Variants in WDR59 observed in about 807,000 individuals in gnomAD.
The protein encoded by WDR59 is WD repeat domain 59.
Under a neutral mutation model 131.2 loss-of-function variants are expected in WDR59, and 100 were observed. The ratio of observed to expected loss-of-function variants is 0.76; its 90% confidence interval spans 0.65 to 0.90. WDR59 has a LOEUF of 0.90. Among genes scored for constraint, WDR59 ranks in the 40% least tolerant of loss-of-function variants. WDR59 has a pLI of 0.00. For synonymous variants in WDR59, 601 were observed against 466.2 expected, an observed-to-expected ratio of 1.29 and a Z score of -3.72; for missense variants, 1,203 against 1,262.2, an observed-to-expected ratio of 0.95 and a Z score of 0.71.
At chr16:74,908,871 G>T in intron 17 of WDR59, 37 bp downstream of exon 17, 1 of 1,599,194 alleles carries the variant, frequency 6.3e-7, no homozygotes, top group Non-Finnish European at 8.6e-7. Context: ...TTCTGGCCCC[G>T]GGAACGTAGA....
chr16:74,915,287 A>T (rs1057304694), intron 13 of WDR59, among the ~76,000 whole-genome samples: 1 of 152,174 alleles, frequency 6.6e-6, no homozygotes. Flanking sequence ...TCTACAGTAA[A>T]ATGAGATGCT....
chr16:74,984,462 G>GT (rs1471870653), intron 1 of WDR59: 2 of 181,150 alleles, frequency 1.1e-5, no homozygotes, highest in African/African-American at 4.7e-5. Context: ...CCACTACACG[G>GT]TATTTTCCAG....
intron 3 of WDR59, among the ~76,000 whole-genome samples, chr16:74,952,024 C>T (rs2033031425): frequency 1.3e-5 from 2 of 151,734 alleles, no homozygotes; most frequent in Admixed American, 1.3e-4. Flanking sequence ...TCTACATTGC[C>T]CACGCTTTTC....
At chr16:74,964,418 G>A (rs1050528179) in intron 2 of WDR59, among the ~76,000 whole-genome samples, 3 of 150,108 alleles carry the variant, frequency 2.0e-5, no homozygotes, top group Admixed American at 2.0e-4. Flanking sequence ...GCAGAAAAGA[G>A]ATACCAACTT....
chr16:74,880,205 T>A (rs1303497936), intron 25 of WDR59, among the ~76,000 whole-genome samples: 1 of 152,106 alleles, frequency 6.6e-6, no homozygotes, highest in Admixed American at 6.5e-5. Flanking sequence ...CCCAGCACTT[T>A]GGGAGGCCGA....
rs768839578 is a variant in WDR59 at position 74,909,025 on chromosome 16, G to C, written c.1643-48C>G. 4.5e-6 allele frequency: 7 copies of C among 1,546,066 alleles called. No homozygotes were observed. In the East Asian group the frequency reaches 1.6e-4, roughly 35 times the overall value. On this transcript the variant is annotated intron_variant, in intron 16 of 25. Coordinates refer to ENST00000262144, the MANE Select transcript of WDR59 (RefSeq NM_030581.4). Reference sequence around the variant, plus strand: ...AGCCATCAGTGTCAACAAGCTGGCCGTGGGAAATCCTGAGGCAGGACTGGC... The same window carrying C: ...AGCCATCAGTGTCAACAAGCTGGCCCTGGGAAATCCTGAGGCAGGACTGGC...
Position 74,905,982 on chromosome 16 carries a change from C to T in WDR59, c.1713-1882G>A, listed in dbSNP as rs183604521. ...GGTCAATATGCACACAGAAGCTGCT[C>T]GACATCATTCATCATCAACATGGAA... On this transcript the variant is annotated intron_variant, in intron 17 of 25. Coordinates refer to ENST00000262144, the MANE Select transcript of WDR59 (RefSeq NM_030581.4). 2.0e-5 allele frequency among the ~76,000 whole-genome samples: 3 copies of T among 152,044 alleles called. No homozygotes were observed. In the East Asian group the frequency reaches 5.8e-4, roughly 30 times the overall value.
rs368015995 is a variant in WDR59 at position 74,909,676 on chromosome 16, C to G, written c.1486-19G>C. On this transcript the variant is annotated intron_variant, in intron 15 of 25. Transcript: ENST00000262144. Reference sequence around the variant, plus strand: ...CCTGGTTCTGAAATTTAAAAATCCACAAGCTAAAAACCACAACCTGTCTTA... The same window carrying G: ...CCTGGTTCTGAAATTTAAAAATCCAGAAGCTAAAAACCACAACCTGTCTTA... 6.4e-7 allele frequency: 1 copy of G among 1,553,402 alleles called. No homozygotes were observed. The highest frequency in any genetic ancestry group is 2.3e-5 in the East Asian group (1 of 44,066).
chr16:74,912,129 T>G, intron 14 of WDR59, 69 bp downstream of exon 14: 1 of 1,600,552 alleles, frequency 6.2e-7, no homozygotes, highest in Non-Finnish European at 8.6e-7. Context: ...GAGTTTTCAT[T>G]CTTCTTTACT....
At position 74,873,887 on chromosome 16, in the gene WDR59, T is replaced by G; in HGVS notation, c.*322A>C. 5 of 319,954 alleles carry G rather than the reference T, an allele frequency of 1.6e-5. No individual in the cohort carries two copies. Among genetic ancestry groups the G allele is most frequent in the South Asian group, 7.4e-5 (2 of 27,122 alleles). 19.8% of individuals were successfully genotyped at this position (319,954 alleles called of 1,614,324 possible). On this transcript the variant is annotated 3_prime_UTR_variant, in exon 26 of 26. Coordinates refer to ENST00000262144, the MANE Select transcript of WDR59 (RefSeq NM_030581.4). ...GGTTTAAGGCTAACACCTTACAGGG[T>G]AACACTGTAACACTGGCCCTGGAGC...
chr16:74,903,884 G>C, intron 18 of WDR59, 63 bp downstream of exon 18: 1 of 1,543,558 alleles, frequency 6.5e-7, no homozygotes, highest in Non-Finnish European at 8.8e-7. Context: ...CGCCAGGCAG[G>C]AGATGAGGAA....
chr16:74,898,821 C>A (rs1965412513), intron 18 of WDR59, among the ~76,000 whole-genome samples: 2 of 152,190 alleles, frequency 1.3e-5, no homozygotes, highest in Admixed American at 1.3e-4. Context: ...TTTGGACAAT[C>A]AGTGGAAATT....
chr16:74,934,026 C>T lies in WDR59; in HGVS notation c.651+4124G>A, dbSNP rs112881495. On this transcript the variant is annotated intron_variant, in intron 8 of 25. Coordinates refer to ENST00000262144, the MANE Select transcript of WDR59 (RefSeq NM_030581.4). Reference sequence around the variant, plus strand: ...CATGGCCACAGGGTAAACTATAATTCGCCCCTCAACTTATAAAAGGAATGA... The same window carrying T: ...CATGGCCACAGGGTAAACTATAATTTGCCCCTCAACTTATAAAAGGAATGA... 5.1e-3 allele frequency among the ~76,000 whole-genome samples: 774 copies of T among 152,250 alleles called. 9 individuals carry two copies. Among genetic ancestry groups the T allele is most frequent in the African/African-American group, 0.018 (731 of 41,550 alleles).
At chr16:74,937,693 G>A (rs1052567013) in intron 8 of WDR59, among the ~76,000 whole-genome samples, 4 of 152,102 alleles carry the variant, frequency 2.6e-5, no homozygotes, top group Non-Finnish European at 4.4e-5. Flanking sequence ...GTAGAGACTA[G>A]GTTTCACCAT....
At chr16:74,975,717 G>C (rs763508102) in intron 1 of WDR59, among the ~76,000 whole-genome samples, 5 of 151,322 alleles carry the variant, frequency 3.3e-5, no homozygotes, top group Non-Finnish European at 5.9e-5. Context: ...GAAAACTGAA[G>C]CTTAGAAAGG....
chr16:74,902,427 G>A (rs1026688951), intron 18 of WDR59, among the ~76,000 whole-genome samples: 16 of 120,666 alleles, frequency 1.3e-4, no homozygotes, highest in East Asian at 1.1e-3. Flanking sequence ...TTATAATTAC[G>A]GTGTTTGTAG....
In WDR59 at chr16:74,949,782, C is replaced by T. The variant is rs1567424288; in HGVS notation, c.343G>A (p.Val115Met). ...TRVISDLDWA[V>M]FEPDLLVTSS... is the part of the protein sequence containing the mutation. ...GTAACCAGGAGGTCAGGCTCAAACA[C>T]CGCCCAGTCCAAGTCGCTGGGACAC... The change falls in exon 5 of 26, where the codon GTG (valine) becomes ATG (methionine). Residue 115 changes from valine (V) to methionine (M), a missense_variant. Physicochemically the swap from Val to Met is conservative, Grantham distance 21. Transcript: ENST00000262144. The T allele has an allele frequency of 6.2e-7, 1 of 1,613,956 alleles. No individual in the cohort carries two copies. The highest frequency in any genetic ancestry group is 1.7e-5 in the Admixed American group (1 of 60,008).
chr16:74,893,981 T>C, intron 18 of WDR59, 169 bp from the exon 19 acceptor site: 1 of 750,662 alleles, frequency 1.3e-6, no homozygotes. Flanking sequence ...TGAGCTCTTG[T>C]TCCAAAAATC....
chr16:74,922,158 G>A (rs1042438762), intron 9 of WDR59, 55 bp from the exon 10 acceptor site: 4 of 1,590,502 alleles, frequency 2.5e-6, no homozygotes, highest in African/African-American at 2.7e-5. Context: ...AGAATCAGCT[G>A]AGTCTTGAGT....
Sources: gnomAD v4.1 joint callset for allele counts (sites outside exome capture counted in the v4.1 genomes callset) on GRCh38, gnomAD v4.1.1 for gene constraint, MANE v1.5 for transcripts, NCBI Gene and HGNC (gene_info 2026-07-23, HGNC 2026-07-21) for gene names.